PIK3CB: variants seen among roughly 807,000 people sequenced by gnomAD.
PIK3CB encodes the protein phosphatidylinositol-4,5-bisphosphate 3-kinase catalytic subunit beta, also known as phosphatidylinositol 4,5-bisphosphate 3-kinase catalytic subunit beta isoform.
Under a neutral mutation model 136.8 loss-of-function variants are expected in PIK3CB, and 39 were observed. That is an observed-to-expected ratio of 0.29 (90% CI 0.22 to 0.37). The LOEUF is 0.37. PIK3CB is among the 10% of genes least tolerant of loss of function. The pLI is 1.00. For synonymous variants in PIK3CB, 428 were observed against 436.6 expected (o/e 0.98, Z 0.25); for missense variants, 868 against 1,275.4 (o/e 0.68, Z 4.87).
intron 1 of PIK3CB, among the ~76,000 whole-genome samples, chr3:138,810,656 C>T (rs559249984): frequency 1.3e-5 from 2 of 152,010 alleles, no homozygotes; most frequent in East Asian, 1.9e-4. Context: ...TGGTGGCTCA[C>T]GCCTGTAATC....
chr3:138,752,670 C>T (rs900349347), intron 4 of PIK3CB, among the ~76,000 whole-genome samples: 6 of 151,124 alleles, frequency 4.0e-5, no homozygotes, highest in African/African-American at 1.5e-4. Flanking sequence ...AAAGGCGCCA[C>T]TATGCTCCAG....
At position 138,705,167 on chromosome 3, in the gene PIK3CB, AAAAAAACAAAAAACAAAACAAAC is replaced by A. The variant is rs1474977244; in HGVS notation, c.1531-697_1531-675del. On this transcript the variant is annotated intron_variant, in intron 11 of 23. Transcript: ENST00000674063. ...GAGATTAGAAAGGCAAAAAAAAAAA[AAAAAAACAAAAAACAAAACAAAC>A]AAAAAAAAAAACTTATATTTGCAAA... Among the ~76,000 whole-genome samples the A allele has an allele frequency of 1.4e-3, 138 of 96,388 alleles. 18 individuals are homozygous for A. Among genetic ancestry groups the A allele is most frequent in the East Asian group, 4.8e-3 (10 of 2,068 alleles). 63.2% of individuals were successfully genotyped at this position (96,388 alleles called of 152,430 possible). A position where few individuals can be genotyped will look rare whatever the true frequency, so the allele number is the denominator to read the frequency against.
chr3:138,680,684 T>G (rs2043753945), intron 19 of PIK3CB, among the ~76,000 whole-genome samples: 1 of 151,956 alleles, frequency 6.6e-6, no homozygotes, highest in South Asian at 2.1e-4. Context: ...ATCCAGTTGT[T>G]CTTTTTTTTT....
chr3:138,767,745 C>T (rs538786958), intron 2 of PIK3CB, among the ~76,000 whole-genome samples: 20 of 152,286 alleles, frequency 1.3e-4, no homozygotes, highest in South Asian at 6.2e-4. Flanking sequence ...CCTGAGGCTA[C>T]GGCTGGACCA....
intron 1 of PIK3CB, chr3:138,825,392 T>C (rs1933737752): frequency 3.3e-5 from 21 of 628,530 alleles, no homozygotes; most frequent in South Asian, 2.5e-4. Context: ...AAGCAACTAA[T>C]TGGTGTTAAC....
intron 19 of PIK3CB, among the ~76,000 whole-genome samples, chr3:138,674,783 C>T (rs980485140): frequency 9.9e-5 from 15 of 152,120 alleles, no homozygotes; most frequent in East Asian, 1.9e-4. Context: ...AGGTTGGGGG[C>T]GGTGGCTCAC....
At chr3:138,828,427 C>T (rs1305442183) in intron 1 of PIK3CB, among the ~76,000 whole-genome samples, 2 of 151,850 alleles carry the variant, frequency 1.3e-5, no homozygotes, top group African/African-American at 2.4e-5. Flanking sequence ...CCTTGTGATC[C>T]GCCCGTCTCG....
At chr3:138,674,149 A>C (rs2043597507) in intron 19 of PIK3CB, among the ~76,000 whole-genome samples, 1 of 151,862 alleles carries the variant, frequency 6.6e-6, no homozygotes, top group African/African-American at 2.4e-5. Flanking sequence ...AAAAGCTCCA[A>C]AATTACTGGT....
intron 4 of PIK3CB, among the ~76,000 whole-genome samples, chr3:138,746,554 G>A (rs959712196): frequency 5.9e-5 from 9 of 151,878 alleles, no homozygotes; most frequent in African/African-American, 1.7e-4. Context: ...CCAGCTCCTC[G>A]GGAGGCTGAG....
intron 17 of PIK3CB, among the ~76,000 whole-genome samples, chr3:138,684,373 A>G (rs895067881): frequency 6.6e-6 from 1 of 152,220 alleles, no homozygotes; most frequent in Non-Finnish European, 1.5e-5. Flanking sequence ...GTAATATAGA[A>G]AATAAATTTA....
intron 14 of PIK3CB, among the ~76,000 whole-genome samples, chr3:138,693,311 G>A (rs1201680918): frequency 6.6e-6 from 1 of 152,052 alleles, no homozygotes; most frequent in African/African-American, 2.4e-5. Context: ...GCCAAGGCTG[G>A]TCTCAAACTC....
At chr3:138,756,496 CTT>C (rs1281874461) in intron 3 of PIK3CB, among the ~76,000 whole-genome samples, 1 of 152,084 alleles carries the variant, frequency 6.6e-6, no homozygotes, top group Non-Finnish European at 1.5e-5. Flanking sequence ...GTCCTGCACT[CTT>C]TTCTTTTATC....
intron 4 of PIK3CB, among the ~76,000 whole-genome samples, chr3:138,748,688 T>C (rs1223445265): frequency 6.6e-6 from 1 of 152,172 alleles, no homozygotes; most frequent in African/African-American, 2.4e-5. Context: ...GCACCAGATA[T>C]TTTTTAAAAG....
chr3:138,709,069 C>T lies in PIK3CB; in HGVS notation c.1400-1780G>A, dbSNP rs552878890. On this transcript the variant is annotated intron_variant, in intron 10 of 23. Transcript: ENST00000674063. ...AAGCATTGGGATTATACATGTGAACCACCATATGTGGCAAAAAAAAAAGGC... is the reference window on the plus strand; with the variant it reads ...AAGCATTGGGATTATACATGTGAACTACCATATGTGGCAAAAAAAAAAGGC... Among the ~76,000 whole-genome samples the T allele has an allele frequency of 7.0e-4, 105 of 150,270 alleles. No homozygotes were observed. In the South Asian group the frequency reaches 0.012, roughly 17 times the overall value.
At chr3:138,678,524 A>AT (rs1346322539) in intron 19 of PIK3CB, among the ~76,000 whole-genome samples, 1 of 152,212 alleles carries the variant, frequency 6.6e-6, no homozygotes, top group Non-Finnish European at 1.5e-5. Context: ...GTAGAAATAA[A>AT]TAAGTATATA....
intron 19 of PIK3CB, among the ~76,000 whole-genome samples, chr3:138,674,892 C>T (rs946743700): frequency 6.6e-6 from 1 of 152,046 alleles, no homozygotes. Flanking sequence ...CCTGTCTCCA[C>T]TAAAAGTACA....
chr3:138,812,718 G>A (rs1306833056), intron 1 of PIK3CB, among the ~76,000 whole-genome samples: 2 of 151,884 alleles, frequency 1.3e-5, no homozygotes, highest in Non-Finnish European at 2.9e-5. Flanking sequence ...TAGAAGAGAT[G>A]GGGTTTCACC....
intron 2 of PIK3CB, among the ~76,000 whole-genome samples, chr3:138,794,266 T>C (rs1011974829): frequency 6.6e-6 from 1 of 152,096 alleles, no homozygotes; most frequent in Non-Finnish European, 1.5e-5. Context: ...CCCAGCATCT[T>C]GTGAGTTTTT....
intron 4 of PIK3CB, among the ~76,000 whole-genome samples, chr3:138,747,172 C>A (rs982845415): frequency 7.3e-6 from 1 of 136,538 alleles, no homozygotes; most frequent in Non-Finnish European, 1.6e-5. Context: ...CTTAAGCAAT[C>A]CTCTTGCCTC....
Sources: gnomAD v4.1 joint callset for allele counts (sites outside exome capture counted in the v4.1 genomes callset) on GRCh38, gnomAD v4.1.1 for gene constraint, MANE v1.5 for transcripts, NCBI Gene and HGNC (gene_info 2026-07-23, HGNC 2026-07-21) for gene names.